RPRD1A: variants seen among roughly 807,000 people sequenced by gnomAD.
RPRD1A encodes regulation of nuclear pre-mRNA domain containing 1A.
A neutral mutation model predicts 37.8 loss-of-function variants in RPRD1A; 9 were observed. The ratio of observed to expected loss-of-function variants is 0.24; its 90% confidence interval spans 0.14 to 0.42. The LOEUF (loss-of-function observed/expected upper bound fraction) is 0.42, where lower values mean the gene tolerates loss of function less well. Ranked by LOEUF, RPRD1A falls within the 10% of genes least tolerant of loss-of-function variation. The pLI is 1.00. For synonymous variants in RPRD1A, 138 were observed against 139.7 expected (o/e 0.99, Z 0.08); for missense variants, 255 against 371.0 (o/e 0.69, Z 2.57).
At chr18:35,998,928 T>C (rs1361280267) in intron 6 of RPRD1A, among the ~76,000 whole-genome samples, 1 of 152,222 alleles carries the variant, frequency 6.6e-6, no homozygotes, top group African/African-American at 2.4e-5. Flanking sequence ...TACAGCTTCT[T>C]GAAATCTGAA....
In RPRD1A at chr18:36,015,173, T is replaced by TACACACAC. The variant is rs368940718; in HGVS notation, c.789+11719_789+11726dup. ...ACACACACACATATATACACATATA[T>TACACACAC]ACACACACACACACACACACACACA... On this transcript the variant is annotated intron_variant, in intron 6 of 6. Coordinates refer to ENST00000399022, the MANE Select transcript of RPRD1A (RefSeq NM_018170.5). Among the ~76,000 whole-genome samples, 658 of 130,936 alleles carry TACACACAC rather than the reference T, an allele frequency of 5.0e-3. 6 individuals carry two copies. Among genetic ancestry groups the TACACACAC allele is most frequent in the African/African-American group, 0.017 (570 of 33,826 alleles). The allele number at this position is 130,936 out of a possible 152,430, so 85.9% of individuals were successfully genotyped here.
At chr18:36,065,875 A>G (rs73426965) in intron 1 of RPRD1A, among the ~76,000 whole-genome samples, 1 of 145,506 alleles carries the variant, frequency 6.9e-6, no homozygotes, top group African/African-American at 2.5e-5. Flanking sequence ...CAGTACTGCC[A>G]TTTTTTTTTT....
chr18:36,007,868 G>A (rs777706151), intron 6 of RPRD1A, among the ~76,000 whole-genome samples: 2 of 152,090 alleles, frequency 1.3e-5, no homozygotes, highest in African/African-American at 2.4e-5. Flanking sequence ...AACCCAGGAG[G>A]TGGAGGTTGC....
chr18:36,000,448 CAG>C (rs558281101), intron 6 of RPRD1A, among the ~76,000 whole-genome samples: 61 of 152,114 alleles, frequency 4.0e-4, no homozygotes, highest in Non-Finnish European at 1.2e-4. Flanking sequence ...TCCACTATTG[CAG>C]AGTTTCATTA....
At chr18:36,053,827 G>T (rs1913570692) in intron 1 of RPRD1A, among the ~76,000 whole-genome samples, 1 of 152,062 alleles carries the variant, frequency 6.6e-6, no homozygotes, top group East Asian at 1.9e-4. Flanking sequence ...AGGCAGTGGG[G>T]TGAAAAAGGA....
chr18:36,023,136 CTATA>C (rs1311866853), intron 6 of RPRD1A, among the ~76,000 whole-genome samples: 1 of 152,192 alleles, frequency 6.6e-6, no homozygotes, highest in Non-Finnish European at 1.5e-5. Context: ...TTTCGTAAGG[CTATA>C]TAGCTGCCAT....
chr18:36,056,657 G>T (rs1016864375), intron 1 of RPRD1A, among the ~76,000 whole-genome samples: 1 of 151,740 alleles, frequency 6.6e-6, no homozygotes, highest in Non-Finnish European at 1.5e-5. Context: ...AAATACACCT[G>T]GAAAATCCAA....
intron 1 of RPRD1A, among the ~76,000 whole-genome samples, chr18:36,044,482 G>A (rs150364532): frequency 0.014 from 2,072 of 152,194 alleles, 55 homozygotes; most frequent in African/African-American, 0.047. Context: ...GAGGACATGA[G>A]TTCGAGACCA....
intron 6 of RPRD1A, among the ~76,000 whole-genome samples, chr18:36,007,916 C>T (rs1450409671): frequency 2.0e-5 from 3 of 151,974 alleles, no homozygotes; most frequent in South Asian, 2.1e-4. Context: ...ACAGCCTGGG[C>T]GACAGAGTGA....
At position 36,027,273 on chromosome 18, in the gene RPRD1A, T is replaced by C. The variant is rs1207447477; in HGVS notation, c.524A>G (p.Asn175Ser). Residue 175 changes from asparagine (N) to serine (S), a missense_variant, in exon 5 of 7, where the codon AAT becomes AGT. Physicochemically the swap from Asn to Ser is conservative, Grantham distance 46. Coordinates refer to ENST00000399022, the MANE Select transcript of RPRD1A (RefSeq NM_018170.5). Reference protein sequence around the residue: ...DLVRALQDLENAASGDAAVHQ... With the variant: ...DLVRALQDLESAASGDAAVHQ... ...AACTGCTGCATCACCTGAGGCTGCA[T>C]TTTCCAGATCTTGTAATGCTCTAAC... 1 of 1,613,674 alleles carries C rather than the reference T, an allele frequency of 6.2e-7. No homozygotes were observed. The highest frequency in any genetic ancestry group is 1.7e-5 in the Admixed American group (1 of 60,010).
At chr18:36,056,275 C>T (rs1913760493) in intron 1 of RPRD1A, among the ~76,000 whole-genome samples, 1 of 151,748 alleles carries the variant, frequency 6.6e-6, no homozygotes, top group Admixed American at 6.6e-5. Context: ...ACATTCTTTA[C>T]AGCCTTTTGG....
intron 6 of RPRD1A, among the ~76,000 whole-genome samples, chr18:36,011,374 A>G (rs1302261758): frequency 1.3e-5 from 2 of 152,194 alleles, no homozygotes; most frequent in Admixed American, 1.3e-4. Flanking sequence ...TTAAGACCAA[A>G]GTCAACCAGG....
chr18:36,026,953 C>A lies in RPRD1A; in HGVS notation c.736G>T (p.Asp246Tyr). ...DRKQLTRMLA[D>Y]FLRCQKEALA... ...GCTTCCTTTTGACAACGAAGAAAATCTGCTAACATTCGAGTGAGTTGCTTT... is the reference window on the plus strand; with the variant it reads ...GCTTCCTTTTGACAACGAAGAAAATATGCTAACATTCGAGTGAGTTGCTTT... Residue 246 changes from aspartate (D) to tyrosine (Y), a missense_variant, in exon 6 of 7, where the codon GAT becomes TAT. Physicochemically the swap from Asp to Tyr is radical, Grantham distance 160. This residue lies in a region of RPRD1A where 211 missense variants were observed against 268.9 expected (regional missense o/e 0.78). Transcript: ENST00000399022. The A allele has an allele frequency of 1.2e-6, 2 of 1,613,996 alleles. No individual in the cohort carries two copies. Among genetic ancestry groups the A allele is most frequent in the Non-Finnish European group, 1.7e-6 (2 of 1,179,874 alleles).
At chr18:36,066,401 G>A (rs1306821613) in intron 1 of RPRD1A, among the ~76,000 whole-genome samples, 4 of 152,184 alleles carry the variant, frequency 2.6e-5, no homozygotes, top group East Asian at 3.9e-4. Flanking sequence ...CAGGATGTTT[G>A]CAACAATAAT....
chr18:36,037,024 A>G (rs951151603), intron 1 of RPRD1A, among the ~76,000 whole-genome samples: 5 of 152,206 alleles, frequency 3.3e-5, no homozygotes, highest in African/African-American at 1.2e-4. Flanking sequence ...GACCACGCTA[A>G]GTACAGACTA....
At chr18:36,043,220 T>G in intron 1 of RPRD1A, among the ~76,000 whole-genome samples, 1 of 142,206 alleles carries the variant, frequency 7.0e-6, no homozygotes. Context: ...GAAGGGGAGT[T>G]ACCAACAAAG....
chr18:36,048,046 T>C (rs1320713023), intron 1 of RPRD1A, among the ~76,000 whole-genome samples: 1 of 148,658 alleles, frequency 6.7e-6, no homozygotes, highest in African/African-American at 2.5e-5. Context: ...CCTTCATTAA[T>C]ACAGATGTAC....
Position 36,014,746 on chromosome 18 carries a change from A to AAAAT in RPRD1A, c.789+12150_789+12153dup, listed in dbSNP as rs552540850. ...CAACAAAGCGAGACTCCGTCTCAAG[A>AAAAT]AAATAAATAAATAAATAAATAAAAA... On this transcript the variant is annotated intron_variant, in intron 6 of 6. Coordinates refer to ENST00000399022, the MANE Select transcript of RPRD1A (RefSeq NM_018170.5). 1.8e-3 allele frequency among the ~76,000 whole-genome samples: 280 copies of AAAAT among 152,246 alleles called. 1 individual carries two copies. The highest frequency in any genetic ancestry group is 5.4e-3 in the African/African-American group (225 of 41,554).
chr18:36,033,299 CAAAAAAAAA>C (rs71166085), intron 2 of RPRD1A, among the ~76,000 whole-genome samples: 6 of 75,942 alleles, frequency 7.9e-5, no homozygotes, highest in African/African-American at 3.5e-4. Context: ...GACTCTGTCT[CAAAAAAAAA>C]AAAAAAAAAA....
Sources: allele counts gnomAD v4.1 joint callset (sites outside exome capture counted in the v4.1 genomes callset), GRCh38; gene constraint gnomAD v4.1.1; regional missense constraint gnomAD v4.1.1; transcripts MANE v1.5; gene names NCBI Gene and HGNC (gene_info 2026-07-23, HGNC 2026-07-21).